The following ZC3H14 variants were observed in gnomAD, a reference collection of about 807,000 sequenced individuals.
ZC3H14 encodes zinc finger CCCH-type containing 14, also known as zinc finger CCCH domain-containing protein 14.
In ZC3H14, 31 loss-of-function variants were observed where a neutral mutation model predicts 92.4. The observed-to-expected ratio is 0.34, with a 90% confidence interval of 0.25 to 0.45. The LOEUF is 0.45. Among genes scored for constraint, ZC3H14 ranks in the 20% least tolerant of loss-of-function variants. The probability of loss-of-function intolerance (pLI) is 1.00; values close to 1 mark genes in which losing one functional copy is unlikely to be tolerated. For missense variants in ZC3H14, 781 were observed against 897.3 expected (o/e 0.87, Z 1.66); for synonymous variants, 321 against 300.9 (o/e 1.07, Z -0.69).
chr14:88,582,020 A>G (rs142935599), intron 9 of ZC3H14, among the ~76,000 whole-genome samples: 15 of 152,342 alleles, frequency 9.8e-5, no homozygotes, highest in African/African-American at 3.4e-4. Context: ...TCATGTATGT[A>G]TTGTCCGTGG....
At position 88,606,495 on chromosome 14, in the gene ZC3H14, C is replaced by T. The variant is rs564149755; in HGVS notation, c.1748-748C>T. On this transcript the variant is annotated intron_variant, in intron 12 of 16. Coordinates refer to ENST00000251038, the MANE Select transcript of ZC3H14 (RefSeq NM_024824.5). ...CCCTTTTTAGACATTGCTGGCTGAG[C>T]GCGGTGGCTCATGCCTATAATCCCA... 9.2e-5 allele frequency among the ~76,000 whole-genome samples: 14 copies of T among 152,190 alleles called. No homozygotes were observed. The South Asian group carries it at 2.9e-3, about 32-fold the overall frequency.
intron 9 of ZC3H14, among the ~76,000 whole-genome samples, chr14:88,585,921 C>T (rs1179267430): frequency 6.6e-6 from 1 of 152,158 alleles, no homozygotes; most frequent in East Asian, 1.9e-4. Flanking sequence ...GTAATCCCAG[C>T]ACTTTGGGAG....
chr14:88,576,160 G>A (rs2081131665), intron 8 of ZC3H14, among the ~76,000 whole-genome samples: 1 of 152,130 alleles, frequency 6.6e-6, no homozygotes. Flanking sequence ...ACCATATAAT[G>A]CCTTTTATAT....
chr14:88,588,927 A>G (rs143868952), intron 9 of ZC3H14, among the ~76,000 whole-genome samples: 39 of 151,928 alleles, frequency 2.6e-4, no homozygotes, highest in Admixed American at 2.6e-4. Context: ...TTCTTGTTCT[A>G]TTTTTCATAG....
At chr14:88,578,855 G>A (rs2081532786) in intron 9 of ZC3H14, among the ~76,000 whole-genome samples, 1 of 102,432 alleles carries the variant, frequency 9.8e-6, no homozygotes, top group African/African-American at 3.8e-5. Context: ...TTTTGACTTT[G>A]AAAGTGTGTC....
intron 2 of ZC3H14, among the ~76,000 whole-genome samples, chr14:88,567,267 C>T (rs933801563): frequency 6.6e-6 from 1 of 151,704 alleles, no homozygotes; most frequent in Non-Finnish European, 1.5e-5. Context: ...AGGCGCTCAC[C>T]ACCACACCCG....
chr14:88,575,690 A>G, intron 7 of ZC3H14, 150 bp from the exon 8 acceptor site: 2 of 615,456 alleles, frequency 3.2e-6, no homozygotes, highest in Non-Finnish European at 5.6e-6. Context: ...AAAAAAAAAA[A>G]TAAGGTTCCA....
intron 6 of ZC3H14, chr14:88,573,903 C>T (rs1440277647): frequency 1.3e-5 from 2 of 152,326 alleles, no homozygotes; most frequent in African/African-American, 2.4e-5. Flanking sequence ...AGGCATGTAC[C>T]ATGGCGCCTG....
At chr14:88,608,981 A>T in intron 13 of ZC3H14, 1 of 418,420 alleles carries the variant, frequency 2.4e-6, no homozygotes, top group Non-Finnish European at 4.4e-6. Flanking sequence ...ACTGCATAAA[A>T]TATATACCTT....
In ZC3H14 at chr14:88,613,657, C is replaced by CA. The variant is rs555898640; in HGVS notation, c.*1913dup. ...AAATGATCACCACAAAAAGGGACCACAAAAAAAGGAAGGAAATGAGCATGG... is the reference window on the plus strand; with the variant it reads ...AAATGATCACCACAAAAAGGGACCACAAAAAAAAGGAAGGAAATGAGCATGG... On this transcript the variant is annotated 3_prime_UTR_variant, in exon 17 of 17. Transcript: ENST00000251038. 1 of 151,572 alleles carries CA rather than the reference C, an allele frequency of 6.6e-6. No individual in the cohort carries two copies. Among genetic ancestry groups the CA allele is most frequent in the South Asian group, 2.1e-4 (1 of 4,800 alleles). The allele number at this position is 151,572 out of a possible 1,614,324, so 9.4% of individuals were successfully genotyped here. A position where few individuals can be genotyped will look rare whatever the true frequency, so the allele number is the denominator to read the frequency against.
Position 88,602,090 on chromosome 14 carries a change from G to T in ZC3H14, c.1514+7G>T. 1 of 1,613,626 alleles carries T rather than the reference G, an allele frequency of 6.2e-7. No homozygotes were observed. On this transcript the variant is annotated splice_region_variant and intron_variant, in intron 11 of 16. Transcript: ENST00000251038. ...GACACCTTATGCAGACACGGTAGAT[G>T]GTTTCTTTTTCTTGTGTAGTTAATT...
chr14:88,578,921 A>G (rs1476646113), intron 9 of ZC3H14, among the ~76,000 whole-genome samples: 2 of 151,104 alleles, frequency 1.3e-5, no homozygotes, highest in African/African-American at 2.4e-5. Context: ...CATTACCCAG[A>G]ACTAACGCTA....
At position 88,616,022 on chromosome 14, in the gene ZC3H14, A is replaced by G; in HGVS notation, c.*4271A>G. On this transcript the variant is annotated 3_prime_UTR_variant, in exon 17 of 17. Transcript: ENST00000251038. ...TGAGATTCTGAAGAGCCATCTGGTT[A>G]TACTACCTTCTACTAATGTTGACTA... 7.7e-7 allele frequency: 1 copy of G among 1,299,504 alleles called. No homozygotes were observed. Among genetic ancestry groups the G allele is most frequent in the Non-Finnish European group, 1.1e-6 (1 of 912,016 alleles). The allele number at this position is 1,299,504 out of a possible 1,614,324, so 80.5% of individuals were successfully genotyped here.
intron 6 of ZC3H14, chr14:88,573,744 T>G (rs753124420): frequency 1.2e-4 from 18 of 152,196 alleles, no homozygotes; most frequent in Non-Finnish European, 8.8e-5. Context: ...GCCTCCTGAA[T>G]AGCTGGGATT....
chr14:88,594,609 C>T, intron 9 of ZC3H14: 1 of 1,586,976 alleles, frequency 6.3e-7, no homozygotes, highest in Non-Finnish European at 8.5e-7. Flanking sequence ...CTTAAGGTAA[C>T]AGCCTTGATC....
rs2087288492 is a variant in ZC3H14, at chr14:88,614,444, G to C, written c.*2693G>C. On this transcript the variant is annotated 3_prime_UTR_variant, in exon 17 of 17. Transcript: ENST00000251038. ...TGTAATTTAGTCATTTCTATTTTTA[G>C]TATTAACCAAGTATTAGACACAGAA... The C allele has an allele frequency of 2.0e-5, 3 of 152,020 alleles. No individual in the cohort carries two copies. Among genetic ancestry groups the C allele is most frequent in the Non-Finnish European group, 4.4e-5 (3 of 67,988 alleles). 9.4% of individuals were successfully genotyped at this position (152,020 alleles called of 1,614,324 possible).
At position 88,613,819 on chromosome 14, in the gene ZC3H14, T is replaced by A. The variant is rs1053644744; in HGVS notation, c.*2068T>A. 2.0e-5 allele frequency: 3 copies of A among 152,144 alleles called. No homozygotes were observed. Among genetic ancestry groups the A allele is most frequent in the Non-Finnish European group, 4.4e-5 (3 of 68,004 alleles). The allele number at this position is 152,144 out of a possible 1,614,324, so 9.4% of individuals were successfully genotyped here. A position where few individuals can be genotyped will look rare whatever the true frequency, so the allele number is the denominator to read the frequency against. ...GCTTAGATACTGCACACAAAAATAA[T>A]TATCTGGGTTAAAAAAGTAAACATA... On this transcript the variant is annotated 3_prime_UTR_variant, in exon 17 of 17. Coordinates refer to ENST00000251038, the MANE Select transcript of ZC3H14 (RefSeq NM_024824.5).
Position 88,578,138 on chromosome 14 carries a change from A to G in ZC3H14, c.1277A>G (p.Gln426Arg). The G allele has an allele frequency of 1.2e-6, 2 of 1,614,022 alleles. No homozygotes were observed. Residue 426 changes from glutamine (Q) to arginine (R), a missense_variant and splice_region_variant, in exon 9 of 17, where the codon CAA becomes CGA. Around this residue, in one of 3 missense-constraint regions of ZC3H14, gnomAD observed 454 missense variants for 438.5 expected, o/e 1.04. Transcript: ENST00000251038. ...AAAGGAGATTCTGTAGAAAAAAATCAAGGTAATAACTTAAATGATGTTTCA... is the reference window on the plus strand; with the variant it reads ...AAAGGAGATTCTGTAGAAAAAAATCGAGGTAATAACTTAAATGATGTTTCA... ...ETKGDSVEKNQGTQQRQLLSR... is the reference protein window; with the variant it reads ...ETKGDSVEKNRGTQQRQLLSR...
In ZC3H14 at chr14:88,618,733, T is replaced by G. The variant is rs1343965877; in HGVS notation, c.*6982T>G. 1.2e-6 allele frequency: 2 copies of G among 1,609,016 alleles called. No homozygotes were observed. Among genetic ancestry groups the G allele is most frequent in the Non-Finnish European group, 8.5e-7 (1 of 1,177,456 alleles). ...TTGCAGTAGCTGATTCTGTTAAGAG[T>G]GGGGCCCAGCGTTAGGTCATAAAAA... is the stretch of plus-strand genomic sequence containing the variant. On this transcript the variant is annotated 3_prime_UTR_variant, in exon 17 of 17. Transcript: ENST00000251038.
Sources: gnomAD v4.1 joint callset for allele counts (sites outside exome capture counted in the v4.1 genomes callset) on GRCh38, gnomAD v4.1.1 for gene constraint, gnomAD v4.1.1 regional missense constraint, MANE v1.5 for transcripts, NCBI Gene and HGNC (gene_info 2026-07-23, HGNC 2026-07-21) for gene names.